The following ARHGAP15 variants were observed in gnomAD, a reference collection of about 807,000 sequenced individuals.
The protein encoded by ARHGAP15 is rho GTPase-activating protein 15.
A neutral mutation model predicts 63.7 loss-of-function variants in ARHGAP15; 51 were observed. The observed-to-expected ratio is 0.80, with a 90% CI of 0.64 to 1.01. The LOEUF (loss-of-function observed/expected upper bound fraction) is 1.01. ARHGAP15 is among the 50% of genes least tolerant of loss of function. The probability of loss-of-function intolerance (pLI) is 0.00; values close to 1 mark genes in which losing one functional copy is unlikely to be tolerated. For missense variants in ARHGAP15, 560 were observed against 564.6 expected (o/e 0.99, Z 0.08); for synonymous variants, 191 against 193.8 (o/e 0.99, Z 0.12).
intron 2 of ARHGAP15, among the ~76,000 whole-genome samples, chr2:143,190,938 T>A (rs1321856366): frequency 6.6e-6 from 1 of 152,088 alleles, no homozygotes; most frequent in Non-Finnish European, 1.5e-5. Flanking sequence ...GCCCAGCTGA[T>A]TTTTGTATTT....
chr2:143,448,497 A>G (rs1411062758), intron 8 of ARHGAP15, among the ~76,000 whole-genome samples: 1 of 152,080 alleles, frequency 6.6e-6, no homozygotes, highest in Non-Finnish European at 1.5e-5. Flanking sequence ...AGAATAGACC[A>G]TGTACCATAT....
intron 6 of ARHGAP15, among the ~76,000 whole-genome samples, chr2:143,432,579 A>C (rs1689435152): frequency 6.6e-6 from 1 of 152,096 alleles, no homozygotes; most frequent in African/African-American, 2.4e-5. Context: ...ACTATTGTTG[A>C]ATTAATTCCC....
At chr2:143,525,525 G>C (rs1348327416) in intron 10 of ARHGAP15, among the ~76,000 whole-genome samples, 1 of 151,882 alleles carries the variant, frequency 6.6e-6, no homozygotes, top group African/African-American at 2.4e-5. Context: ...ATTTACAATG[G>C]AGGTGATCTT....
chr2:143,290,981 G>A (rs1261040758), intron 6 of ARHGAP15, among the ~76,000 whole-genome samples: 2 of 152,042 alleles, frequency 1.3e-5, no homozygotes, highest in Non-Finnish European at 2.9e-5. Context: ...GAAGAAGACA[G>A]GGTGTTATGA....
At chr2:143,458,637 G>A (rs1690774409) in intron 8 of ARHGAP15, among the ~76,000 whole-genome samples, 1 of 152,146 alleles carries the variant, frequency 6.6e-6, no homozygotes, top group African/African-American at 2.4e-5. Flanking sequence ...TGTCAATTAA[G>A]ATCATTAAGA....
chr2:143,489,311 C>T (rs1398697014), intron 9 of ARHGAP15, among the ~76,000 whole-genome samples: 1 of 152,142 alleles, frequency 6.6e-6, no homozygotes, highest in Non-Finnish European at 1.5e-5. Context: ...CTGATTCATG[C>T]ATTTCTTATC....
chr2:143,420,204 G>C (rs547245807), intron 6 of ARHGAP15, among the ~76,000 whole-genome samples: 4 of 152,262 alleles, frequency 2.6e-5, no homozygotes, highest in African/African-American at 9.6e-5. Context: ...TTAGAACACA[G>C]CAATGATAAT....
intron 9 of ARHGAP15, among the ~76,000 whole-genome samples, chr2:143,514,591 T>C (rs561309473): frequency 6.6e-6 from 1 of 152,328 alleles, no homozygotes; most frequent in South Asian, 2.1e-4. Flanking sequence ...CCTGGACTCA[T>C]CACCACCTAT....
chr2:143,159,553 A>G (rs1657668131), intron 2 of ARHGAP15, among the ~76,000 whole-genome samples: 1 of 151,970 alleles, frequency 6.6e-6, no homozygotes, highest in South Asian at 2.1e-4. Flanking sequence ...CATCTCAAAC[A>G]AAGGTAATTG....
intron 6 of ARHGAP15, among the ~76,000 whole-genome samples, chr2:143,321,651 T>C (rs1467173654): frequency 6.6e-6 from 1 of 152,258 alleles, no homozygotes; most frequent in East Asian, 1.9e-4. Flanking sequence ...GAGTACTTCC[T>C]CCAAGGAAGG....
At chr2:143,523,936 G>A (rs746424829) in intron 10 of ARHGAP15, among the ~76,000 whole-genome samples, 1 of 152,068 alleles carries the variant, frequency 6.6e-6, no homozygotes, top group Non-Finnish European at 1.5e-5. Flanking sequence ...ATGAAATCAT[G>A]TTTTTCAAAT....
At chr2:143,537,469 A>T (rs891398893) in intron 10 of ARHGAP15, among the ~76,000 whole-genome samples, 1 of 152,194 alleles carries the variant, frequency 6.6e-6, no homozygotes, top group South Asian at 2.1e-4. Context: ...TATGTCTTGA[A>T]TGGTATTGCC....
At chr2:143,570,774 C>T (rs1235396987) in intron 11 of ARHGAP15, among the ~76,000 whole-genome samples, 2 of 152,106 alleles carry the variant, frequency 1.3e-5, no homozygotes, top group South Asian at 2.1e-4. Context: ...CTTTTGAAAA[C>T]AAATATTGAA....
chr2:143,397,571 AG>A (rs1558944225), intron 6 of ARHGAP15, among the ~76,000 whole-genome samples: 3 of 92,648 alleles, frequency 3.2e-5, no homozygotes, highest in Non-Finnish European at 6.4e-5. Context: ...AAAAAAACGA[AG>A]AAGAAATAAA....
intron 6 of ARHGAP15, among the ~76,000 whole-genome samples, chr2:143,251,317 T>C (rs1317258344): frequency 6.6e-6 from 1 of 152,028 alleles, no homozygotes; most frequent in South Asian, 2.1e-4. Context: ...TAATTAGATA[T>C]ATTTTAGAAT....
In ARHGAP15 at chr2:143,446,502, C is replaced by T. The variant is rs1399137245; in HGVS notation, c.703+9460C>T. ...CTCTGGTTAACATATATCCTTTTAC[C>T]TTTTGTTTTCTTAAGGGATCCTAAG... On this transcript the variant is annotated intron_variant, in intron 8 of 13. Coordinates refer to ENST00000295095, the MANE Select transcript of ARHGAP15 (RefSeq NM_018460.4). 3.3e-5 allele frequency among the ~76,000 whole-genome samples: 5 copies of T among 152,024 alleles called. 1 individual carries two copies. The highest frequency in any genetic ancestry group is 6.8e-3 in the Middle Eastern group (2 of 294).
intron 6 of ARHGAP15, among the ~76,000 whole-genome samples, chr2:143,274,461 T>G (rs979744403): frequency 1.5e-4 from 23 of 152,250 alleles, no homozygotes; most frequent in African/African-American, 5.5e-4. Flanking sequence ...AGAAATTGAT[T>G]CTATTTGTTC....
At chr2:143,291,095 A>G (rs537280132) in intron 6 of ARHGAP15, among the ~76,000 whole-genome samples, 44 of 152,130 alleles carry the variant, frequency 2.9e-4, no homozygotes, top group Non-Finnish European at 6.0e-4. Flanking sequence ...TAGATTTTTA[A>G]GAGAATTATT....
At chr2:143,537,987 G>A (rs1381312640) in intron 10 of ARHGAP15, among the ~76,000 whole-genome samples, 20 of 152,234 alleles carry the variant, frequency 1.3e-4, no homozygotes, top group South Asian at 1.0e-3. Context: ...CCATTTTCAC[G>A]ATATTGATTC....
Sources: gnomAD v4.1 joint callset for allele counts (sites outside exome capture counted in the v4.1 genomes callset) on GRCh38, gnomAD v4.1.1 for gene constraint, MANE v1.5 for transcripts, NCBI Gene and HGNC (gene_info 2026-07-23, HGNC 2026-07-21) for gene names.